The following CCNY variants were observed in gnomAD, a reference collection of about 807,000 sequenced individuals.
CCNY encodes the protein cyclin Y, also known as cyclin-Y.
A neutral mutation model predicts 42.8 loss-of-function variants in CCNY; 19 were observed. That is an observed-to-expected ratio of 0.44 (90% CI 0.31 to 0.65). CCNY has a LOEUF of 0.65. Among genes scored for constraint, CCNY ranks in the 30% least tolerant of loss-of-function variants. CCNY has a pLI of 0.07. For missense variants in CCNY, 370 were observed against 437.3 expected, an observed-to-expected ratio of 0.85 and a Z score of 1.37; for synonymous variants, 165 against 162.7, an observed-to-expected ratio of 1.01 and a Z score of -0.11.
chr10:35,350,842 AT>A (rs1164460668), intron 1 of CCNY, among the ~76,000 whole-genome samples: 1 of 152,212 alleles, frequency 6.6e-6, no homozygotes, highest in Non-Finnish European at 1.5e-5. Context: ...TCGAGTCTTG[AT>A]TTTCAGCTTG....
chr10:35,553,692 C>T (rs536502897), intron 8 of CCNY, among the ~76,000 whole-genome samples: 94 of 152,300 alleles, frequency 6.2e-4, no homozygotes, highest in African/African-American at 2.2e-3. Flanking sequence ...AGGTCAGCCT[C>T]GTGTCCCTGG....
rs962650716 is a variant in CCNY, at chr10:35,538,460, C to T, written c.579+8217C>T. Among the ~76,000 whole-genome samples, 7 of 152,158 alleles carry T rather than the reference C, an allele frequency of 4.6e-5. No homozygotes were observed. In the East Asian group the frequency reaches 7.7e-4, roughly 17 times the overall value. ...AATGAGATTTTCAGTTTCTCCACAT[C>T]GCATCCTTATCAATGCTTGTTAGTG... On this transcript the variant is annotated intron_variant, in intron 7 of 9. Coordinates refer to ENST00000374704, the MANE Select transcript of CCNY (RefSeq NM_145012.6).
At chr10:35,442,668 AGAGTATGAGTAATGAATTTGG>A (rs542280072) in intron 1 of CCNY, among the ~76,000 whole-genome samples, 6 of 152,350 alleles carry the variant, frequency 3.9e-5, no homozygotes, top group African/African-American at 1.4e-4. Flanking sequence ...TGGAACATAT[AGAGTATGAGTAATGAATTTGG>A]GAGTATGAAT....
At chr10:35,542,903 A>G (rs1479157729) in intron 7 of CCNY, among the ~76,000 whole-genome samples, 3 of 152,240 alleles carry the variant, frequency 2.0e-5, no homozygotes, top group Non-Finnish European at 4.4e-5. Context: ...TCAAGTCACT[A>G]GTTATCTAAA....
intron 1 of CCNY, among the ~76,000 whole-genome samples, chr10:35,444,919 A>G (rs1289881543): frequency 6.6e-6 from 1 of 152,198 alleles, no homozygotes; most frequent in Non-Finnish European, 1.5e-5. Context: ...AGTGATGGAA[A>G]TGAGAGGAGC....
At chr10:35,251,015 A>C (rs1335471961) in intron 3 of CCNY, 1 of 152,216 alleles carries the variant, frequency 6.6e-6, no homozygotes, top group African/African-American at 2.4e-5. Context: ...GGCCATGCTA[A>C]TCTTCTCGTA....
rs2891500 is a variant in CCNY at position 35,474,212 on chromosome 10, C to G, written c.155-9192C>G. 9.9e-5 allele frequency among the ~76,000 whole-genome samples: 15 copies of G among 152,112 alleles called. No homozygotes were observed. The East Asian group carries it at 2.7e-3, about 28-fold the overall frequency. Reference sequence around the variant, plus strand: ...ATCAAACTGCAAGGCGGCAGCGAGGCTTGGGGGAGGGGTGCCCACCATTGC... The same window carrying G: ...ATCAAACTGCAAGGCGGCAGCGAGGGTTGGGGGAGGGGTGCCCACCATTGC... On this transcript the variant is annotated intron_variant, in intron 1 of 9. Coordinates refer to ENST00000374704, the MANE Select transcript of CCNY (RefSeq NM_145012.6).
At chr10:35,477,439 A>G (rs1222154929) in intron 1 of CCNY, among the ~76,000 whole-genome samples, 2 of 150,640 alleles carry the variant, frequency 1.3e-5, no homozygotes, top group African/African-American at 2.4e-5. Context: ...CTTATCCACC[A>G]TGATCAAGTG....
intron 1 of CCNY, among the ~76,000 whole-genome samples, chr10:35,439,617 G>C (rs1057258287): frequency 6.6e-6 from 1 of 151,124 alleles, no homozygotes; most frequent in Non-Finnish European, 1.5e-5. Context: ...AAATCTGTCA[G>C]GTAACTTGAA....
At chr10:35,359,476 C>T (rs1449337700) in intron 1 of CCNY, among the ~76,000 whole-genome samples, 4 of 150,742 alleles carry the variant, frequency 2.7e-5, no homozygotes, top group East Asian at 1.9e-4. Flanking sequence ...TCAAATTTAC[C>T]ATTTTAACTC....
At chr10:35,310,082 G>A (rs1378037159) in intron 3 of CCNY, among the ~76,000 whole-genome samples, 1 of 152,154 alleles carries the variant, frequency 6.6e-6, no homozygotes, top group African/African-American at 2.4e-5. Context: ...TTACAGGCAC[G>A]AGCCACTGCA....
At chr10:35,523,613 C>G (rs1840593225) in intron 4 of CCNY, among the ~76,000 whole-genome samples, 1 of 152,228 alleles carries the variant, frequency 6.6e-6, no homozygotes, top group Admixed American at 6.5e-5. Context: ...AATATCCAAT[C>G]TTGGCTTTAG....
intron 4 of CCNY, among the ~76,000 whole-genome samples, chr10:35,524,762 C>A (rs1840618216): frequency 6.6e-6 from 1 of 152,158 alleles, no homozygotes. Flanking sequence ...TAAAGAAACT[C>A]AGATAGAAAA....
At chr10:35,277,229 C>A (rs1401805117) in intron 3 of CCNY, among the ~76,000 whole-genome samples, 3 of 152,232 alleles carry the variant, frequency 2.0e-5, no homozygotes, top group African/African-American at 7.2e-5. Context: ...CAACCTTCAT[C>A]TTGCATAACA....
intron 4 of CCNY, among the ~76,000 whole-genome samples, chr10:35,524,119 A>G (rs1046642107): frequency 6.6e-6 from 1 of 152,226 alleles, no homozygotes; most frequent in Non-Finnish European, 1.5e-5. Flanking sequence ...ACAGCCTTAT[A>G]CAAGCCAGAA....
At position 35,278,111 on chromosome 10, in the gene CCNY, C is replaced by T. The variant is rs1294317344; in HGVS notation, c.-9+27485C>T. On this transcript the variant is annotated intron_variant, in intron 3 of 11. Coordinates refer to the CCNY transcript ENST00000374706. ...GTGTCACCTGAGAGATGGATGACGTCGGGAGAAGAGGGGAAGAGAGTGTGA... is the reference window on the plus strand; with the variant it reads ...GTGTCACCTGAGAGATGGATGACGTTGGGAGAAGAGGGGAAGAGAGTGTGA... 5.9e-5 allele frequency among the ~76,000 whole-genome samples: 9 copies of T among 152,154 alleles called. No homozygotes were observed. The South Asian group carries it at 1.5e-3, about 25-fold the overall frequency.
At chr10:35,468,623 T>C (rs1169802231) in intron 1 of CCNY, among the ~76,000 whole-genome samples, 1 of 152,194 alleles carries the variant, frequency 6.6e-6, no homozygotes, top group Non-Finnish European at 1.5e-5. Context: ...TGACTCTTGC[T>C]CAAGAGTCAT....
At chr10:35,300,553 G>A (rs1835521954) in intron 3 of CCNY, among the ~76,000 whole-genome samples, 1 of 152,040 alleles carries the variant, frequency 6.6e-6, no homozygotes, top group South Asian at 2.1e-4. Flanking sequence ...CAGTAGTCTT[G>A]TCTCATATTT....
Position 35,463,490 on chromosome 10 carries a change from C to G in CCNY, c.155-19914C>G, listed in dbSNP as rs1056613433. 8.8e-4 allele frequency among the ~76,000 whole-genome samples: 134 copies of G among 152,248 alleles called. 1 individual carries two copies. The highest frequency in any genetic ancestry group is 3.0e-3 in the African/African-American group (125 of 41,540). ...AGTCAAGGATGTTTTGGTGACTGAA[C>G]TCTAAAGCAGCATAAGCTCGTGGAA... On this transcript the variant is annotated intron_variant, in intron 1 of 9. Coordinates refer to ENST00000374704, the MANE Select transcript of CCNY (RefSeq NM_145012.6).
Sources: allele counts gnomAD v4.1 joint callset (sites outside exome capture counted in the v4.1 genomes callset), GRCh38; gene constraint gnomAD v4.1.1; transcripts MANE v1.5; gene names NCBI Gene and HGNC (gene_info 2026-07-23, HGNC 2026-07-21).